The following TSPAN7 variants were observed in gnomAD, a reference collection of about 807,000 sequenced individuals.
TSPAN7 encodes the protein tetraspanin 7.
In TSPAN7, 1 loss-of-function variant was observed where a neutral mutation model predicts 17.6. That is an observed-to-expected ratio of 0.06 (90% CI 0.02 to 0.27). The LOEUF (loss-of-function observed/expected upper bound fraction) is 0.27, where lower values mean the gene tolerates loss of function less well. TSPAN7 is among the 10% of genes least tolerant of loss of function. The pLI, the probability that TSPAN7 is intolerant of heterozygous loss-of-function variation, is 1.00. For missense variants in TSPAN7, 112 were observed against 201.7 expected (o/e 0.56, Z 2.69); for synonymous variants, 78 against 79.0 (o/e 0.99, Z 0.07).
At chrX:38,678,906 A>G (rs989896555) in intron 5 of TSPAN7, among the ~76,000 whole-genome samples, 1 of 111,798 alleles carries the variant, frequency 8.9e-6, no homozygotes, top group African/African-American at 3.3e-5. Context: ...GCAATAACCC[A>G]TGGATTTGGC....
At chrX:38,606,990 A>T (rs772849950) in intron 1 of TSPAN7, among the ~76,000 whole-genome samples, 1 of 111,470 alleles carries the variant, frequency 9.0e-6, no homozygotes, top group Non-Finnish European at 1.9e-5. Flanking sequence ...AGCCTGAGAA[A>T]ATAAGATAAG....
intron 1 of TSPAN7, among the ~76,000 whole-genome samples, chrX:38,576,412 A>G (rs2069194564): frequency 8.9e-6 from 1 of 112,250 alleles, no homozygotes; most frequent in Admixed American, 9.5e-5. Context: ...CCAGACTTTA[A>G]AGAGTTAGTA....
chrX:38,593,659 C>T (rs920307604), intron 1 of TSPAN7, among the ~76,000 whole-genome samples: 3 of 111,737 alleles, frequency 2.7e-5, no homozygotes, highest in African/African-American at 9.7e-5. Flanking sequence ...TTTGTTATTT[C>T]AAAAGTGGGT....
chrX:38,632,783 G>A (rs930773092), intron 1 of TSPAN7, among the ~76,000 whole-genome samples: 1 of 112,514 alleles, frequency 8.9e-6, no homozygotes, highest in African/African-American at 3.2e-5. Flanking sequence ...CTATTAGTGA[G>A]ATTTTTTTGC....
chrX:38,619,521 A>AAT (rs1446121816), intron 1 of TSPAN7, among the ~76,000 whole-genome samples: 1 of 111,856 alleles, frequency 8.9e-6, no homozygotes, highest in Non-Finnish European at 1.9e-5. Flanking sequence ...TGCTTATTTT[A>AAT]ATCACAGAAG....
chrX:38,624,905 A>G (rs377555261), intron 1 of TSPAN7, among the ~76,000 whole-genome samples: 21 of 112,604 alleles, frequency 1.9e-4, no homozygotes, highest in African/African-American at 5.8e-4. Flanking sequence ...GATTTTTAAT[A>G]TACAACTAAG....
chrX:38,683,470 T>C (rs1026461290), intron 6 of TSPAN7, among the ~76,000 whole-genome samples: 5 of 112,689 alleles, frequency 4.4e-5, no homozygotes, highest in African/African-American at 1.6e-4. Flanking sequence ...CTCTCTGCAG[T>C]GAGTTTAAGT....
chrX:38,627,853 C>T (rs7892259), intron 1 of TSPAN7, among the ~76,000 whole-genome samples: 2,928 of 113,047 alleles, frequency 0.026, 112 homozygotes, highest in African/African-American at 0.09. Flanking sequence ...ATAATGCATG[C>T]TTCCTCTAGA....
intron 1 of TSPAN7, among the ~76,000 whole-genome samples, chrX:38,661,567 G>A (rs2147447182): frequency 8.9e-6 from 1 of 112,164 alleles, no homozygotes; most frequent in East Asian, 2.8e-4. Flanking sequence ...GCTTGTGGTT[G>A]ATTTGGGAGC....
chrX:38,639,915 A>C (rs2069603135), intron 1 of TSPAN7, among the ~76,000 whole-genome samples: 1 of 111,512 alleles, frequency 9.0e-6, no homozygotes, highest in Non-Finnish European at 1.9e-5. Context: ...TATTTACCAG[A>C]ATTCTTCTAG....
chrX:38,642,080 A>G (rs1272617972), intron 1 of TSPAN7, among the ~76,000 whole-genome samples: 1 of 111,966 alleles, frequency 8.9e-6, no homozygotes, highest in Non-Finnish European at 1.9e-5. Flanking sequence ...TGTTTCCGGC[A>G]TGCTCTGGGG....
chrX:38,583,860 C>T (rs1397730016), intron 1 of TSPAN7, among the ~76,000 whole-genome samples: 1 of 109,823 alleles, frequency 9.1e-6, no homozygotes, highest in African/African-American at 3.3e-5. Flanking sequence ...ACTCTCCCTG[C>T]GTTGACAGCA....
intron 1 of TSPAN7, among the ~76,000 whole-genome samples, chrX:38,609,763 T>C (rs1177152239): frequency 2.7e-5 from 3 of 109,993 alleles, no homozygotes; most frequent in Non-Finnish European, 5.7e-5. Flanking sequence ...ACATACTCAT[T>C]TGAAAATAAA....
chrX:38,615,676 A>G (rs1284708217), intron 1 of TSPAN7, among the ~76,000 whole-genome samples: 3 of 112,509 alleles, frequency 2.7e-5, no homozygotes, highest in Non-Finnish European at 5.6e-5. Context: ...TCCCATGAGT[A>G]TTTTATTTGA....
intron 1 of TSPAN7, among the ~76,000 whole-genome samples, chrX:38,647,748 G>T (rs201044302): frequency 3.0e-5 from 2 of 67,532 alleles, no homozygotes; most frequent in African/African-American, 7.7e-5. Context: ...GTTTGATTAT[G>T]GAAGAGTCCA....
At chrX:38,636,080 T>TTATG (rs2069578794) in intron 1 of TSPAN7, among the ~76,000 whole-genome samples, 1 of 52,934 alleles carries the variant, frequency 1.9e-5, no homozygotes, top group African/African-American at 8.0e-5. Flanking sequence ...ATTTTGTTAT[T>TTATG]TATTTATTTA....
At chrX:38,566,828 C>T (rs967425806) in intron 1 of TSPAN7, among the ~76,000 whole-genome samples, 3 of 111,706 alleles carry the variant, frequency 2.7e-5, no homozygotes, top group African/African-American at 9.7e-5. Context: ...ATTTTGCTTA[C>T]CAGGTGAATT....
chrX:38,593,386 G>A (rs774692921), intron 1 of TSPAN7, among the ~76,000 whole-genome samples: 7 of 110,987 alleles, frequency 6.3e-5, no homozygotes, highest in Non-Finnish European at 1.1e-4. Context: ...TAGAAACTAG[G>A]GGCTGGGTGC....
intron 1 of TSPAN7, among the ~76,000 whole-genome samples, chrX:38,613,123 TTTCGTCTC>T (rs2069431190): frequency 8.9e-6 from 1 of 112,413 alleles, no homozygotes. Flanking sequence ...TTCTCCTATT[TTTCGTCTC>T]TTCGTATTTG....
Sources: gnomAD v4.1 joint callset for allele counts (sites outside exome capture counted in the v4.1 genomes callset) on GRCh38, gnomAD v4.1.1 for gene constraint, MANE v1.5 for transcripts, NCBI Gene and HGNC (gene_info 2026-07-23, HGNC 2026-07-21) for gene names.